Variants in NTRK2 observed in about 807,000 individuals in gnomAD.
NTRK2 encodes neurotrophic receptor tyrosine kinase 2, also known as BDNF/NT-3 growth factors receptor.
A neutral mutation model predicts 94.5 loss-of-function variants in NTRK2; 13 were observed. That is an observed-to-expected ratio of 0.14 (90% CI 0.09 to 0.22). NTRK2 has a LOEUF of 0.22. Ranked by LOEUF, NTRK2 falls within the 10% of genes least tolerant of loss-of-function variation. The pLI, the probability that NTRK2 is intolerant of heterozygous loss-of-function variation, is 1.00. For missense variants in NTRK2, 639 were observed against 1,071.2 expected (o/e 0.60, Z 5.63); for synonymous variants, 372 against 407.4 (o/e 0.91, Z 1.05).
At chr9:84,924,228 GTAGAAAGA>G (rs1387655673) in intron 14 of NTRK2, among the ~76,000 whole-genome samples, 3 of 92,426 alleles carry the variant, frequency 3.2e-5, no homozygotes, top group Admixed American at 1.3e-4. Flanking sequence ...AAGAAAGAAA[GTAGAAAGA>G]AAGAAAGAAA....
intron 14 of NTRK2, among the ~76,000 whole-genome samples, chr9:84,896,057 T>C (rs1183141065): frequency 2.0e-5 from 3 of 152,242 alleles, no homozygotes; most frequent in African/African-American, 7.2e-5. Flanking sequence ...TTTGTTGTTG[T>C]TCTGTTTTAG....
chr9:85,011,958 A>ATTATTTTATTTTATT (rs57166564), intron 17 of NTRK2, among the ~76,000 whole-genome samples: 57,754 of 131,366 alleles, frequency 0.44, 13,961 homozygotes, highest in Middle Eastern at 0.54. Flanking sequence ...TATGTAGAGC[A>ATTATTTTATTTTATT]TTATTTTATT....
intron 12 of NTRK2, among the ~76,000 whole-genome samples, chr9:84,824,287 G>A (rs1331175937): frequency 6.6e-6 from 1 of 152,216 alleles, no homozygotes; most frequent in African/African-American, 2.4e-5. Context: ...GAACCCTCAC[G>A]ACCCACCACC....
At chr9:84,839,192 C>T (rs1266350757) in intron 12 of NTRK2, among the ~76,000 whole-genome samples, 1 of 152,154 alleles carries the variant, frequency 6.6e-6, no homozygotes, top group African/African-American at 2.4e-5. Context: ...AAGTTGTTCT[C>T]ATCTGCTTGT....
chr9:84,893,487 C>T (rs888810463), intron 14 of NTRK2, among the ~76,000 whole-genome samples: 5 of 152,266 alleles, frequency 3.3e-5, no homozygotes, highest in African/African-American at 1.2e-4. Context: ...GCTCTTATTT[C>T]AGTGTCCCCA....
At chr9:84,997,146 G>A (rs1829844603) in intron 17 of NTRK2, among the ~76,000 whole-genome samples, 1 of 152,248 alleles carries the variant, frequency 6.6e-6, no homozygotes, top group African/African-American at 2.4e-5. Flanking sequence ...TGATTTCATA[G>A]TGTAGGATTT....
At chr9:84,867,487 G>A (rs2132063501) in intron 14 of NTRK2, 56 bp downstream of exon 14, 1 of 1,464,608 alleles carries the variant, frequency 6.8e-7, no homozygotes, top group Non-Finnish European at 9.6e-7. Flanking sequence ...GTATCAACCA[G>A]AGTGTTTATC....
intron 12 of NTRK2, among the ~76,000 whole-genome samples, chr9:84,826,023 T>C (rs1455465274): frequency 6.6e-6 from 1 of 152,178 alleles, no homozygotes; most frequent in East Asian, 1.9e-4. Flanking sequence ...CAGTAAAGCT[T>C]TAGGATTCTG....
intron 14 of NTRK2, among the ~76,000 whole-genome samples, chr9:84,889,121 G>T (rs914373451): frequency 1.3e-5 from 2 of 148,636 alleles, no homozygotes; most frequent in African/African-American, 5.0e-5. Context: ...CTCCCGAGTA[G>T]CTGGGACTAC....
chr9:84,701,521 G>A (rs1465614977), intron 2 of NTRK2, among the ~76,000 whole-genome samples: 2 of 152,194 alleles, frequency 1.3e-5, no homozygotes, highest in African/African-American at 4.8e-5. Flanking sequence ...TATATTGGAG[G>A]GCTTAGGGGG....
intron 17 of NTRK2, among the ~76,000 whole-genome samples, chr9:84,963,795 T>C (rs1051591865): frequency 6.6e-6 from 1 of 152,220 alleles, no homozygotes; most frequent in Non-Finnish European, 1.5e-5. Flanking sequence ...TTCTGTTTTT[T>C]CTGTGTGTTT....
chr9:84,716,332 T>A (rs1236539498), intron 6 of NTRK2, among the ~76,000 whole-genome samples: 2 of 152,204 alleles, frequency 1.3e-5, no homozygotes, highest in Non-Finnish European at 2.9e-5. Context: ...AGTTCACAGG[T>A]GCCCAGGAGG....
intron 12 of NTRK2, among the ~76,000 whole-genome samples, chr9:84,841,285 G>C (rs1226024503): frequency 1.3e-5 from 2 of 152,156 alleles, no homozygotes; most frequent in Non-Finnish European, 2.9e-5. Flanking sequence ...AGAGCGCTGA[G>C]CTGTCCCATG....
chr9:84,995,844 AAT>A (rs1356525892), intron 17 of NTRK2, among the ~76,000 whole-genome samples: 1 of 152,210 alleles, frequency 6.6e-6, no homozygotes, highest in Non-Finnish European at 1.5e-5. Flanking sequence ...TTTTTAATTC[AAT>A]AGATGACATT....
At chr9:84,942,398 C>G (rs1033269455) in intron 15 of NTRK2, among the ~76,000 whole-genome samples, 3 of 152,152 alleles carry the variant, frequency 2.0e-5, no homozygotes, top group Non-Finnish European at 4.4e-5. Flanking sequence ...GTTCTAAATG[C>G]GTGGTTAATC....
At chr9:84,870,364 T>TTTATATATAA in intron 14 of NTRK2, among the ~76,000 whole-genome samples, 1 of 131,680 alleles carries the variant, frequency 7.6e-6, no homozygotes, top group East Asian at 2.5e-4. Context: ...TATATATATA[T>TTTATATATAA]AAAACTCTGT....
chr9:84,995,592 G>GT (rs1829660429), intron 17 of NTRK2, among the ~76,000 whole-genome samples: 3 of 152,236 alleles, frequency 2.0e-5, no homozygotes, highest in South Asian at 4.2e-4. Flanking sequence ...CCACACACTT[G>GT]GGCAAGTCTT....
At chr9:85,005,456 G>A (rs1428363537) in intron 17 of NTRK2, among the ~76,000 whole-genome samples, 1 of 152,196 alleles carries the variant, frequency 6.6e-6, no homozygotes, top group Non-Finnish European at 1.5e-5. Flanking sequence ...GCCACAGACT[G>A]TGTGTATTTG....
intron 12 of NTRK2, among the ~76,000 whole-genome samples, chr9:84,854,615 T>G (rs768479813): frequency 2.6e-5 from 4 of 151,940 alleles, no homozygotes; most frequent in Non-Finnish European, 5.9e-5. Context: ...AGTGTGATAT[T>G]TGACCTGAAA....
Sources: allele counts gnomAD v4.1 joint callset (sites outside exome capture counted in the v4.1 genomes callset), GRCh38; gene constraint gnomAD v4.1.1; transcripts MANE v1.5; gene names NCBI Gene and HGNC (gene_info 2026-07-23, HGNC 2026-07-21).